Variants in PATJ observed in about 807,000 individuals in gnomAD.
The protein encoded by PATJ is inaD-like protein.
Under a neutral mutation model 224.9 loss-of-function variants are expected in PATJ, and 190 were observed. The observed-to-expected ratio is 0.84, with a 90% CI of 0.75 to 0.95. PATJ has a LOEUF of 0.95. Among genes scored for constraint, PATJ ranks in the 40% least tolerant of loss-of-function variants. The probability of loss-of-function intolerance (pLI) is 0.00; values close to 1 mark genes in which losing one functional copy is unlikely to be tolerated. For synonymous variants in PATJ, 769 were observed against 820.3 expected (o/e 0.94, Z 1.07); for missense variants, 2,121 against 2,270.3 (o/e 0.93, Z 1.34).
At chr1:61,860,236 A>G (rs1557770169) in intron 18 of PATJ, among the ~76,000 whole-genome samples, 1 of 151,766 alleles carries the variant, frequency 6.6e-6, no homozygotes, top group South Asian at 2.1e-4. Flanking sequence ...ATTATTTAAC[A>G]TAAAAATAGA....
intron 20 of PATJ, among the ~76,000 whole-genome samples, chr1:61,870,281 G>T (rs893860323): frequency 1.3e-5 from 2 of 152,178 alleles, no homozygotes; most frequent in Admixed American, 6.5e-5. Flanking sequence ...AGCCATCTCT[G>T]GCTGGATTAT....
rs201339302 is a variant in PATJ, at chr1:62,163,050, AT to A, written c.*1997del. Reference sequence around the variant, plus strand: ...ATGCTGCAAATATTTCACAGTAATTATCAAAATTTAATGGGCTCTAATTTAA... The same window carrying A: ...ATGCTGCAAATATTTCACAGTAATTACAAAATTTAATGGGCTCTAATTTAA... On this transcript the variant is annotated 3_prime_UTR_variant, in exon 44 of 44. Coordinates refer to ENST00000642238, the MANE Select transcript of PATJ (RefSeq NM_001350145.3). 0.016 allele frequency: 3,560 copies of A among 219,498 alleles called. 123 individuals carry two copies. The highest frequency in any genetic ancestry group is 0.076 in the African/African-American group (3,184 of 42,150). The allele number at this position is 219,498 out of a possible 1,614,324, so 13.6% of individuals were successfully genotyped here.
At chr1:61,782,222 T>C (rs1647495789) in intron 7 of PATJ, among the ~76,000 whole-genome samples, 1 of 152,258 alleles carries the variant, frequency 6.6e-6, no homozygotes, top group Admixed American at 6.5e-5. Flanking sequence ...GGCCTGCCAT[T>C]AATGCTTTTT....
At chr1:61,831,179 CTCTG>C (rs1659249722) in intron 16 of PATJ, among the ~76,000 whole-genome samples, 1 of 140,346 alleles carries the variant, frequency 7.1e-6, no homozygotes, top group Non-Finnish European at 1.5e-5. Flanking sequence ...CAGAGCGAGA[CTCTG>C]TCTCAAAAAA....
At chr1:61,958,578 G>A (rs544654614) in intron 27 of PATJ, among the ~76,000 whole-genome samples, 2 of 152,200 alleles carry the variant, frequency 1.3e-5, no homozygotes, top group South Asian at 4.1e-4. Context: ...AAGCAGTGTC[G>A]TCTGCTTTAT....
chr1:62,048,219 G>C (rs938205344), intron 30 of PATJ, among the ~76,000 whole-genome samples: 4 of 152,128 alleles, frequency 2.6e-5, no homozygotes, highest in Admixed American at 6.5e-5. Flanking sequence ...CAAAAAGCTA[G>C]AAACAGTTCT....
chr1:62,121,725 G>A (rs1274293502), intron 38 of PATJ, among the ~76,000 whole-genome samples: 3 of 151,854 alleles, frequency 2.0e-5, no homozygotes, highest in African/African-American at 4.8e-5. Flanking sequence ...AGTGAGCCAA[G>A]ATCGTGCCAC....
Position 62,116,588 on chromosome 1 carries a change from A to G in PATJ, c.4712A>G (p.Asp1571Gly). 1 of 1,614,094 alleles carries G rather than the reference A, an allele frequency of 6.2e-7. No individual in the cohort carries two copies. The highest frequency in any genetic ancestry group is 1.1e-5 in the South Asian group (1 of 91,072). The change falls in exon 36 of 44, where the codon GAT becomes GGT. Residue 1571 changes from aspartate (D) to glycine (G), a missense_variant. Coordinates refer to ENST00000642238, the MANE Select transcript of PATJ (RefSeq NM_001350145.3). ...DIVKGGAADL[D>G]GRLIQGDQIL... ...GTGAAAGGCGGAGCCGCAGACCTGG[A>G]TGGGAGATTGATTCAGGGAGATCAG...
intron 22 of PATJ, among the ~76,000 whole-genome samples, 195 bp downstream of exon 22, chr1:61,884,603 G>C (rs1405204289): frequency 8.6e-5 from 13 of 151,904 alleles, no homozygotes. Context: ...GTACAATTTT[G>C]TATCTTGCAG....
At chr1:61,748,814 G>A (rs1386738633) in intron 1 of PATJ, among the ~76,000 whole-genome samples, 1 of 152,036 alleles carries the variant, frequency 6.6e-6, no homozygotes, top group East Asian at 1.9e-4. Flanking sequence ...GCACCACCAC[G>A]CTCAGCTAGT....
intron 33 of PATJ, among the ~76,000 whole-genome samples, chr1:62,094,407 T>C (rs1661142426): frequency 6.6e-6 from 1 of 151,974 alleles, no homozygotes; most frequent in Admixed American, 6.6e-5. Flanking sequence ...TTTTTTTATT[T>C]TTATATTTTA....
intron 17 of PATJ, among the ~76,000 whole-genome samples, chr1:61,853,724 C>A (rs1663201108): frequency 6.6e-6 from 1 of 152,196 alleles, no homozygotes; most frequent in Non-Finnish European, 1.5e-5. Flanking sequence ...CGATTGCCTG[C>A]TGATATGCCA....
chr1:62,027,502 A>G (rs190151497), intron 29 of PATJ, among the ~76,000 whole-genome samples: 2 of 152,268 alleles, frequency 1.3e-5, no homozygotes, highest in Non-Finnish European at 2.9e-5. Flanking sequence ...TTCCTGAGTC[A>G]TACAGTTATT....
At chr1:61,922,702 A>T (rs1441211578) in intron 26 of PATJ, among the ~76,000 whole-genome samples, 2 of 152,180 alleles carry the variant, frequency 1.3e-5, no homozygotes, top group Admixed American at 1.3e-4. Context: ...TTGTGTGGTT[A>T]AGAAGGGTTC....
rs754820374 is a variant in PATJ at position 61,864,380 on chromosome 1, T to G, written c.2582T>G (p.Leu861Trp). The G allele has an allele frequency of 8.7e-6, 14 of 1,613,914 alleles. No homozygotes were observed. Among genetic ancestry groups the G allele is most frequent in the Non-Finnish European group, 1.1e-5 (13 of 1,179,922 alleles). The part of the protein sequence containing the change: ...WEMHEFLTPR[L>W]QEMDEEREIL... Reference sequence around the variant, plus strand: ...ATGCATGAATTTCTGACTCCTAGATTGCAGGAAATGGATGAAGAAAGAGAA... The same window carrying G: ...ATGCATGAATTTCTGACTCCTAGATGGCAGGAAATGGATGAAGAAAGAGAA... The change falls in exon 20 of 44, where the codon TTG (leucine) becomes TGG (tryptophan). Residue 861 changes from leucine to tryptophan, a missense_variant. Transcript: ENST00000642238.
At chr1:61,871,437 G>GCGTATATATGTATA (rs1557792600) in intron 20 of PATJ, among the ~76,000 whole-genome samples, 3 of 107,368 alleles carry the variant, frequency 2.8e-5, no homozygotes, top group African/African-American at 1.1e-4. Flanking sequence ...ATATATATGT[G>GCGTATATATGTATA]TATATACACA....
chr1:61,803,020 T>G (rs917242662), intron 12 of PATJ, among the ~76,000 whole-genome samples: 3 of 152,230 alleles, frequency 2.0e-5, no homozygotes, highest in Non-Finnish European at 4.4e-5. Context: ...TCAAGTAGAT[T>G]GCAGTTTATC....
At chr1:62,152,124 G>C (rs989685536) in intron 42 of PATJ, among the ~76,000 whole-genome samples, 8 of 152,164 alleles carry the variant, frequency 5.3e-5, no homozygotes, top group African/African-American at 1.9e-4. Flanking sequence ...CATGGTACTG[G>C]GAAGTCTCAG....
chr1:61,770,060 A>T (rs183218722), intron 5 of PATJ, among the ~76,000 whole-genome samples: 28 of 152,174 alleles, frequency 1.8e-4, no homozygotes, highest in Non-Finnish European at 3.7e-4. Context: ...ATTCCAATGC[A>T]CGTGTTAGAA....
Sources: allele counts gnomAD v4.1 joint callset (sites outside exome capture counted in the v4.1 genomes callset), GRCh38; gene constraint gnomAD v4.1.1; transcripts MANE v1.5; gene names NCBI Gene and HGNC (gene_info 2026-07-23, HGNC 2026-07-21).